The following EPB41L3 variants were observed in gnomAD, a reference collection of about 807,000 sequenced individuals.
The protein encoded by EPB41L3 is band 4.1-like protein 3.
Under a neutral mutation model 127.1 loss-of-function variants are expected in EPB41L3, and 57 were observed. The ratio of observed to expected loss-of-function variants is 0.45; its 90% CI spans 0.36 to 0.56. The LOEUF is 0.56. EPB41L3 is among the 20% of genes least tolerant of loss of function. The pLI is 0.00. For missense variants in EPB41L3, 1,273 were observed against 1,372.2 expected, an observed-to-expected ratio of 0.93 and a Z score of 1.14; for synonymous variants, 572 against 549.5, an observed-to-expected ratio of 1.04 and a Z score of -0.57.
chr18:5,464,866 G>A (rs2084673834), intron 3 of EPB41L3, among the ~76,000 whole-genome samples: 1 of 152,062 alleles, frequency 6.6e-6, no homozygotes, highest in Non-Finnish European at 1.5e-5. Context: ...AGAAAAAGAG[G>A]GTTGACTTCC....
chr18:5,531,394 G>A (rs1010747339), intron 1 of EPB41L3, among the ~76,000 whole-genome samples: 2 of 152,072 alleles, frequency 1.3e-5, no homozygotes, highest in African/African-American at 4.8e-5. Context: ...GGTTTTTTAA[G>A]TGCCAAAGCT....
chr18:5,614,134 A>C (rs1047976854), intron 2 of EPB41L3, among the ~76,000 whole-genome samples: 2 of 152,200 alleles, frequency 1.3e-5, no homozygotes, highest in Non-Finnish European at 2.9e-5. Flanking sequence ...TCTGGTCTTT[A>C]CCCAAGAGCA....
In EPB41L3 at chr18:5,400,959, T is replaced by A. The variant is rs755509994; in HGVS notation, c.2350-2816A>T. On this transcript the variant is annotated intron_variant, in intron 16 of 22. Transcript: ENST00000341928. ...TTTCTTCTGGAAAATCCTTTATGTT[T>A]GGTTTTTACCTGAGACTCAAGGAAT... 24 of 1,517,288 alleles carry A rather than the reference T, an allele frequency of 1.6e-5. No homozygotes were observed. The South Asian group carries it at 2.9e-4, about 18-fold the overall frequency. 94.0% of individuals were successfully genotyped at this position (1,517,288 alleles called of 1,614,324 possible). A position where few individuals can be genotyped will look rare whatever the true frequency, so the allele number is the denominator to read the frequency against.
intron 3 of EPB41L3, among the ~76,000 whole-genome samples, chr18:5,553,304 G>A (rs1267082171): frequency 6.6e-6 from 1 of 152,160 alleles, no homozygotes; most frequent in African/African-American, 2.4e-5. Flanking sequence ...ACAATTCTAT[G>A]AGGTAGGAAC....
intron 5 of EPB41L3, among the ~76,000 whole-genome samples, chr18:5,441,991 A>C (rs577791190): frequency 6.6e-6 from 1 of 152,300 alleles, no homozygotes; most frequent in South Asian, 2.1e-4. Flanking sequence ...TATTAATAAC[A>C]AAAAAGAAAA....
intron 11 of EPB41L3, 122 bp downstream of exon 11, chr18:5,423,256 G>T: frequency 9.5e-7 from 1 of 1,048,576 alleles, no homozygotes. Flanking sequence ...CAGTCAATAA[G>T]CAACAACTGC....
intron 8 of EPB41L3, among the ~76,000 whole-genome samples, 184 bp from the exon 9 acceptor site, chr18:5,428,649 T>C (rs2078558510): frequency 1.3e-5 from 2 of 152,186 alleles, no homozygotes; most frequent in African/African-American, 2.4e-5. Flanking sequence ...TTTATCACTA[T>C]GGAGAGGTTT....
chr18:5,493,479 T>G (rs1297457720), intron 1 of EPB41L3, among the ~76,000 whole-genome samples: 1 of 152,108 alleles, frequency 6.6e-6, no homozygotes, highest in Non-Finnish European at 1.5e-5. Context: ...GACTATAGAG[T>G]ACTATCCACC....
intron 16 of EPB41L3, chr18:5,399,511 T>C (rs566666979): frequency 2.5e-6 from 1 of 397,520 alleles, no homozygotes; most frequent in East Asian, 3.6e-5. Flanking sequence ...ACAGTGCTCA[T>C]GTTATTATCT....
At chr18:5,606,999 T>C (rs2094664262) in intron 3 of EPB41L3, among the ~76,000 whole-genome samples, 1 of 151,816 alleles carries the variant, frequency 6.6e-6, no homozygotes, top group Admixed American at 6.6e-5. Context: ...TGAATAACAT[T>C]GCTATCATGG....
chr18:5,506,641 C>G (rs1186840730), intron 1 of EPB41L3, among the ~76,000 whole-genome samples: 1 of 152,170 alleles, frequency 6.6e-6, no homozygotes, highest in African/African-American at 2.4e-5. Context: ...CTCTAAGCCC[C>G]AGGAAGTGGG....
chr18:5,538,375 T>A (rs945761190), intron 1 of EPB41L3, among the ~76,000 whole-genome samples: 1 of 152,252 alleles, frequency 6.6e-6, no homozygotes, highest in Non-Finnish European at 1.5e-5. Flanking sequence ...TTTTGATGCA[T>A]ATTCACAAAC....
chr18:5,459,233 G>A (rs962043540), intron 3 of EPB41L3, among the ~76,000 whole-genome samples: 2 of 152,094 alleles, frequency 1.3e-5, no homozygotes, highest in African/African-American at 4.8e-5. Context: ...AGGAATTGGA[G>A]TACAGCCTGG....
At chr18:5,438,183 C>G (rs1196245501) in intron 5 of EPB41L3, 73 bp from the exon 6 acceptor site, 36 of 1,423,476 alleles carry the variant, frequency 2.5e-5, no homozygotes, top group Non-Finnish European at 3.5e-5. Context: ...CCAGAACTGC[C>G]TTAACTCCAA....
chr18:5,489,381 G>A, intron 1 of EPB41L3, 187 bp from the exon 2 acceptor site: 1 of 573,522 alleles, frequency 1.7e-6, no homozygotes, highest in Middle Eastern at 4.7e-4. Context: ...GTGCCCACCA[G>A]GCACTCAAAA....
At position 5,568,382 on chromosome 18, in the gene EPB41L3, T is replaced by C. The variant is rs2094234178; in HGVS notation, c.-306+43958A>G. Among the ~76,000 whole-genome samples the C allele has an allele frequency of 2.7e-5, 4 of 148,838 alleles. No individual in the cohort carries two copies. The South Asian group carries it at 8.5e-4, about 32-fold the overall frequency. On this transcript the variant is annotated intron_variant, in intron 3 of 21. Transcript: ENST00000545076. ...CCATCTCCATCCATTCCCCAAGAGC[T>C]TCCCTTCTCTCTTCTCTATGGTTTC...
intron 1 of EPB41L3, among the ~76,000 whole-genome samples, chr18:5,490,510 T>G (rs912235380): frequency 6.6e-6 from 1 of 152,192 alleles, no homozygotes; most frequent in African/African-American, 2.4e-5. Context: ...TATTTAGGGT[T>G]ACTTTCACAA....
chr18:5,494,653 A>C, intron 1 of EPB41L3, among the ~76,000 whole-genome samples: 1 of 150,002 alleles, frequency 6.7e-6, no homozygotes, highest in African/African-American at 2.4e-5. Flanking sequence ...GTGAAACTCC[A>C]TCCACCCTCC....
chr18:5,560,990 TA>T (rs1452808068), intron 3 of EPB41L3, among the ~76,000 whole-genome samples: 1 of 92,546 alleles, frequency 1.1e-5, no homozygotes, highest in African/African-American at 3.4e-5. Context: ...TTTATTTATT[TA>T]TTTTGAGATG....
Sources: allele counts gnomAD v4.1 joint callset (sites outside exome capture counted in the v4.1 genomes callset), GRCh38; gene constraint gnomAD v4.1.1; transcripts MANE v1.5; gene names NCBI Gene and HGNC (gene_info 2026-07-23, HGNC 2026-07-21).